Variants in ATG2B observed in about 807,000 individuals in gnomAD.
The protein encoded by ATG2B is autophagy related 2B.
A neutral mutation model predicts 241.3 loss-of-function variants in ATG2B; 121 were observed. That is an observed-to-expected ratio of 0.50 (90% confidence interval 0.43 to 0.58). ATG2B has a LOEUF of 0.58. ATG2B is among the 20% of genes least tolerant of loss of function. The probability of loss-of-function intolerance (pLI) is 0.00; values close to 1 mark genes in which losing one functional copy is unlikely to be tolerated. For synonymous variants in ATG2B, 858 were observed against 876.6 expected, an observed-to-expected ratio of 0.98 and a Z score of 0.37; for missense variants, 2,306 against 2,491.6, an observed-to-expected ratio of 0.93 and a Z score of 1.59.
chr14:96,323,656 C>T (rs764539815), intron 16 of ATG2B, among the ~76,000 whole-genome samples: 2 of 152,178 alleles, frequency 1.3e-5, no homozygotes, highest in East Asian at 1.9e-4. Context: ...AGAATCTAAT[C>T]GGTCTAATAG....
chr14:96,308,959 C>T (rs1467295734), intron 29 of ATG2B, among the ~76,000 whole-genome samples: 1 of 152,142 alleles, frequency 6.6e-6, no homozygotes, highest in Non-Finnish European at 1.5e-5. Context: ...GGCTAAATAA[C>T]TGAGGCTCAT....
Position 96,309,553 on chromosome 14 carries a change from A to G in ATG2B, c.4203T>C (p.Leu1401=). The G allele has an allele frequency of 6.2e-7, 1 of 1,614,112 alleles. No individual in the cohort carries two copies. Among genetic ancestry groups the G allele is most frequent in the South Asian group, 1.1e-5 (1 of 91,072 alleles). Residue 1401 remains leucine, a synonymous_variant, in exon 29 of 42, where the codon CTT becomes CTC. Coordinates refer to ENST00000359933, the MANE Select transcript of ATG2B (RefSeq NM_018036.7). ...GTAACATTTGTTGATCTGCTTCAGG[A>G]AGTACTGGACCACGTGAGGATGATC... ...SGRSSSRGPV[L]PEADQQMLRD...
chr14:96,345,109 G>C (rs1888137378), intron 3 of ATG2B, 124 bp downstream of exon 3: 2 of 683,326 alleles, frequency 2.9e-6, no homozygotes, highest in Non-Finnish European at 2.4e-6. Context: ...AAGTTCTGAA[G>C]TGGGAACAGT....
rs1566714725 is a variant in ATG2B, at chr14:96,295,509, C to G, written c.5191G>C (p.Glu1731Gln). The G allele has an allele frequency of 6.2e-6, 10 of 1,606,832 alleles. No individual in the cohort carries two copies. The highest frequency in any genetic ancestry group is 4.5e-5 in the East Asian group (2 of 44,680). ...TCTGGATCTGGAGTCATTTGAAGCTCTACTTCTGCAGAAAGACTTGTGAAG... is the reference window on the plus strand; with the variant it reads ...TCTGGATCTGGAGTCATTTGAAGCTGTACTTCTGCAGAAAGACTTGTGAAG... ...DFFTSLSAEVELQMTPDPEVK... is the reference protein window; with the variant it reads ...DFFTSLSAEVQLQMTPDPEVK... Residue 1731 changes from glutamate to glutamine, a missense_variant, in exon 35 of 42, where the codon GAG (glutamate) becomes CAG (glutamine). Physicochemically the swap from Glu to Gln is conservative, Grantham distance 29. Coordinates refer to ENST00000359933, the MANE Select transcript of ATG2B (RefSeq NM_018036.7).
In ATG2B at chr14:96,347,306, G is replaced by C; in HGVS notation, c.198C>G (p.Pro66=). The C allele has an allele frequency of 1.2e-6, 2 of 1,603,052 alleles. No individual in the cohort carries two copies. Among genetic ancestry groups the C allele is most frequent in the Admixed American group, 1.7e-5 (1 of 59,864 alleles). Residue 66 remains proline (P), a synonymous_variant, in exon 2 of 42, where the codon CCC becomes CCG. Coordinates refer to ENST00000359933, the MANE Select transcript of ATG2B (RefSeq NM_018036.7). ...GAATGAATCCTTCAGTGACTTCTAAGGGTGCATCTGCTGACTCCAAGATCT... is the reference window on the plus strand; with the variant it reads ...GAATGAATCCTTCAGTGACTTCTAACGGTGCATCTGCTGACTCCAAGATCT... The part of the protein sequence containing the change: ...LNEILESADA[P]LEVTEGFIQS...
chr14:96,354,750 G>A lies in ATG2B; in HGVS notation c.163-7409C>T, dbSNP rs543627274. Among the ~76,000 whole-genome samples the A allele has an allele frequency of 1.3e-3, 196 of 152,256 alleles. 1 individual carries two copies. The highest frequency in any genetic ancestry group is 4.6e-3 in the African/African-American group (192 of 41,550). On this transcript the variant is annotated intron_variant, in intron 1 of 41. Transcript: ENST00000359933. ...TTACACTCCCATCAACAGTGTAAAA[G>A]CATTCCTTTTTCTCCACAATCTCAC...
chr14:96,357,395 G>A (rs573988902), intron 1 of ATG2B, among the ~76,000 whole-genome samples: 1 of 152,204 alleles, frequency 6.6e-6, no homozygotes, highest in Admixed American at 6.5e-5. Context: ...TTGATACTCT[G>A]ATAACTCCCA....
rs1462702829 is a variant in ATG2B, at chr14:96,282,984, A to T, written c.*2771T>A. ...AGAATCCAAATCGTACCCAAACTTC[A>T]TGAAAGTGAAAGTCTATTGCTATGA... On this transcript the variant is annotated 3_prime_UTR_variant, in exon 42 of 42. Transcript: ENST00000359933. 6.6e-6 allele frequency: 1 copy of T among 152,258 alleles called. No individual in the cohort carries two copies. Among genetic ancestry groups the T allele is most frequent in the Non-Finnish European group, 1.5e-5 (1 of 68,056 alleles). 9.4% of individuals were successfully genotyped at this position (152,258 alleles called of 1,614,324 possible). A position where few individuals can be genotyped will look rare whatever the true frequency, so the allele number is the denominator to read the frequency against.
At chr14:96,334,156 C>G (rs1270249223) in intron 7 of ATG2B, among the ~76,000 whole-genome samples, 1 of 152,076 alleles carries the variant, frequency 6.6e-6, no homozygotes, top group East Asian at 1.9e-4. Flanking sequence ...GTACTATCCC[C>G]AACCAAAGAA....
rs1459196618 is a variant in ATG2B, at chr14:96,284,716, G to T, written c.*1039C>A. The T allele has an allele frequency of 6.6e-6, 1 of 152,140 alleles. No individual in the cohort carries two copies. Among genetic ancestry groups the T allele is most frequent in the Non-Finnish European group, 1.5e-5 (1 of 68,032 alleles). 9.4% of individuals were successfully genotyped at this position (152,140 alleles called of 1,614,324 possible). A position where few individuals can be genotyped will look rare whatever the true frequency, so the allele number is the denominator to read the frequency against. On this transcript the variant is annotated 3_prime_UTR_variant, in exon 42 of 42. Coordinates refer to ENST00000359933, the MANE Select transcript of ATG2B (RefSeq NM_018036.7). Reference sequence around the variant, plus strand: ...CATCTATGAATATGCTCTAAGAAAAGCAAAATATTCATGGAAGCATAAAAC... The same window carrying T: ...CATCTATGAATATGCTCTAAGAAAATCAAAATATTCATGGAAGCATAAAAC...
intron 34 of ATG2B, among the ~76,000 whole-genome samples, chr14:96,299,659 A>G (rs1886737779): frequency 6.6e-6 from 1 of 152,164 alleles, no homozygotes; most frequent in Admixed American, 6.5e-5. Context: ...GACCTCCATC[A>G]TCCACTTATC....
intron 11 of ATG2B, among the ~76,000 whole-genome samples, chr14:96,330,720 C>T (rs1449342394): frequency 2.0e-5 from 3 of 152,156 alleles, no homozygotes; most frequent in South Asian, 2.1e-4. Context: ...GCCAAGATTG[C>T]GCCACTGCAC....
At chr14:96,304,624 A>G in intron 31 of ATG2B, 21 bp from the exon 32 acceptor site, 1 of 1,544,488 alleles carries the variant, frequency 6.5e-7, no homozygotes, top group Non-Finnish European at 8.8e-7. Flanking sequence ...GCAAAAAAAA[A>G]AAAAACCCTT....
intron 15 of ATG2B, among the ~76,000 whole-genome samples, chr14:96,325,370 C>T (rs1016511969): frequency 2.0e-5 from 3 of 152,048 alleles, no homozygotes; most frequent in African/African-American, 7.2e-5. Context: ...AATAAATAAA[C>T]GAGAGGTGGT....
intron 16 of ATG2B, 25 bp from the exon 17 acceptor site, chr14:96,322,760 A>G: frequency 1.9e-6 from 3 of 1,600,144 alleles, no homozygotes; most frequent in Non-Finnish European, 2.6e-6. Context: ...AATTTTAAAA[A>G]GACCAAGATC....
chr14:96,333,637 T>A (rs1186339478), intron 8 of ATG2B, 51 bp downstream of exon 8: 2 of 1,531,140 alleles, frequency 1.3e-6, no homozygotes, highest in East Asian at 4.6e-5. Context: ...AGTGTAATTT[T>A]ATCTATGATT....
rs1228620461 is a variant in ATG2B at position 96,280,814 on chromosome 14, G to A, written c.*4941C>T. On this transcript the variant is annotated 3_prime_UTR_variant, in exon 42 of 42. Transcript: ENST00000359933. ...AGAGAATCGCTTGAACCCAGGAGGT[G>A]GAGGCTGCAGTGAGCTAAGATTGCT... 6.6e-6 allele frequency: 1 copy of A among 152,136 alleles called. No homozygotes were observed. The highest frequency in any genetic ancestry group is 1.5e-5 in the Non-Finnish European group (1 of 68,044). 9.4% of individuals were successfully genotyped at this position (152,136 alleles called of 1,614,324 possible). A position where few individuals can be genotyped will look rare whatever the true frequency, so the allele number is the denominator to read the frequency against.
intron 6 of ATG2B, among the ~76,000 whole-genome samples, chr14:96,337,807 T>G (rs1238924848): frequency 2.6e-5 from 4 of 152,166 alleles, no homozygotes; most frequent in Non-Finnish European, 5.9e-5. Flanking sequence ...TTTCTAGTTC[T>G]GTGAAAAATG....
chr14:96,348,907 C>CAAAAATTAAAAGTT (rs1888242059), intron 1 of ATG2B, among the ~76,000 whole-genome samples: 1 of 151,882 alleles, frequency 6.6e-6, no homozygotes, highest in Non-Finnish European at 1.5e-5. Flanking sequence ...TATGTACCCA[C>CAAAAATTAAAAGTT]AAAAATTAAA....
Sources: gnomAD v4.1 joint callset for allele counts (sites outside exome capture counted in the v4.1 genomes callset) on GRCh38, gnomAD v4.1.1 for gene constraint, MANE v1.5 for transcripts, NCBI Gene and HGNC (gene_info 2026-07-23, HGNC 2026-07-21) for gene names.